The following STX8 variants were observed in gnomAD, a reference collection of about 807,000 sequenced individuals.
STX8 encodes the protein syntaxin 8.
In STX8, 23 loss-of-function variants were observed where a neutral mutation model predicts 37.5. The observed-to-expected ratio is 0.61, with a 90% CI of 0.44 to 0.87. The LOEUF is 0.87. Among genes scored for constraint, STX8 ranks in the 40% least tolerant of loss-of-function variants. The pLI, the probability that STX8 is intolerant of heterozygous loss-of-function variation, is 0.00. For synonymous variants in STX8, 115 were observed against 99.1 expected, an observed-to-expected ratio of 1.16 and a Z score of -0.95; for missense variants, 313 against 284.7, an observed-to-expected ratio of 1.10 and a Z score of -0.71.
chr17:9,443,655 C>G (rs1904740457), intron 6 of STX8, among the ~76,000 whole-genome samples: 1 of 152,182 alleles, frequency 6.6e-6, no homozygotes, highest in South Asian at 2.1e-4. Flanking sequence ...TTCCAACCCT[C>G]CTTTTCCAGA....
chr17:9,250,477 C>T lies in STX8; in HGVS notation c.*101G>A. On this transcript the variant is annotated 3_prime_UTR_variant, in exon 8 of 8. Coordinates refer to ENST00000306357, the MANE Select transcript of STX8 (RefSeq NM_004853.3). Reference sequence around the variant, plus strand: ...TGAAGCAATGCACAAGAGGTCAGAGCTTTGGGGGAATTTATTGAGAGCAGG... The same window carrying T: ...TGAAGCAATGCACAAGAGGTCAGAGTTTTGGGGGAATTTATTGAGAGCAGG... 2 of 1,146,668 alleles carry T rather than the reference C, an allele frequency of 1.7e-6. No homozygotes were observed. Among genetic ancestry groups the T allele is most frequent in the Non-Finnish European group, 2.6e-6 (2 of 781,940 alleles). The allele number at this position is 1,146,668 out of a possible 1,614,324, so 71.0% of individuals were successfully genotyped here. A position where few individuals can be genotyped will look rare whatever the true frequency, so the allele number is the denominator to read the frequency against.
At chr17:9,338,773 A>G (rs73973626) in intron 7 of STX8, among the ~76,000 whole-genome samples, 6,368 of 152,246 alleles carry the variant, frequency 0.042, 459 homozygotes, top group African/African-American at 0.14. Context: ...AGATGTTTGC[A>G]TTTTAAAAAA....
chr17:9,285,451 C>T (rs1272423534), intron 7 of STX8, among the ~76,000 whole-genome samples: 1 of 151,082 alleles, frequency 6.6e-6, no homozygotes, highest in Non-Finnish European at 1.5e-5. Context: ...TCTGGGACAT[C>T]TCCGTCTACC....
At chr17:9,458,293 G>A (rs1905242580) in intron 6 of STX8, among the ~76,000 whole-genome samples, 2 of 151,034 alleles carry the variant, frequency 1.3e-5, no homozygotes, top group South Asian at 4.1e-4. Context: ...GGGACTACAG[G>A]CGACCACTGC....
chr17:9,562,043 A>G (rs1435696812), intron 2 of STX8, among the ~76,000 whole-genome samples: 2 of 152,078 alleles, frequency 1.3e-5, no homozygotes, highest in Non-Finnish European at 2.9e-5. Flanking sequence ...ACCTGCAAAC[A>G]GCAAAAACTT....
chr17:9,498,295 C>T (rs1423793157), intron 5 of STX8, among the ~76,000 whole-genome samples: 2 of 151,550 alleles, frequency 1.3e-5, no homozygotes. Flanking sequence ...GAGGCTGAGG[C>T]TGGAGAATCA....
At chr17:9,251,871 G>C (rs796647668) in intron 7 of STX8, among the ~76,000 whole-genome samples, 42 of 152,328 alleles carry the variant, frequency 2.8e-4, no homozygotes, top group African/African-American at 9.9e-4. Flanking sequence ...ACTTAAAAAT[G>C]TATGGCAAGT....
At chr17:9,530,698 T>A (rs1238210051) in intron 4 of STX8, among the ~76,000 whole-genome samples, 1 of 152,266 alleles carries the variant, frequency 6.6e-6, no homozygotes, top group Admixed American at 6.5e-5. Flanking sequence ...ATTCTTCATA[T>A]ATCCAAGATA....
chr17:9,349,440 T>C (rs950450784), intron 7 of STX8, among the ~76,000 whole-genome samples: 7 of 150,084 alleles, frequency 4.7e-5, no homozygotes, highest in South Asian at 2.1e-4. Context: ...CCTGCCTCAG[T>C]CTCCTGAGTA....
intron 7 of STX8, among the ~76,000 whole-genome samples, chr17:9,272,182 T>A (rs1490066932): frequency 6.6e-6 from 1 of 152,228 alleles, no homozygotes; most frequent in African/African-American, 2.4e-5. Flanking sequence ...GGTGGCCAAA[T>A]GACCGCTCTT....
chr17:9,417,761 A>G (rs1913251071), intron 6 of STX8, among the ~76,000 whole-genome samples: 1 of 152,160 alleles, frequency 6.6e-6, no homozygotes, highest in African/African-American at 2.4e-5. Flanking sequence ...CAAATGGCCA[A>G]CGATGTAATC....
intron 7 of STX8, among the ~76,000 whole-genome samples, chr17:9,279,056 TTTTTG>T (rs137907101): frequency 0.021 from 2,224 of 105,352 alleles, 55 homozygotes; most frequent in African/African-American, 0.072. Context: ...GTGTGTGTGT[TTTTTG>T]TTTTTTGTTT....
intron 6 of STX8, among the ~76,000 whole-genome samples, chr17:9,411,943 G>C (rs1027227099): frequency 7.2e-5 from 11 of 152,160 alleles, no homozygotes; most frequent in Non-Finnish European, 1.5e-4. Flanking sequence ...ATCTAAAAAT[G>C]TTGGAAGTCA....
At chr17:9,568,721 C>T (rs1017320531) in intron 1 of STX8, among the ~76,000 whole-genome samples, 4 of 152,146 alleles carry the variant, frequency 2.6e-5, no homozygotes, top group Non-Finnish European at 5.9e-5. Flanking sequence ...AAGATGGTCT[C>T]GATCTCCTGA....
At chr17:9,547,900 C>A (rs998816581) in intron 3 of STX8, among the ~76,000 whole-genome samples, 17 of 150,568 alleles carry the variant, frequency 1.1e-4, no homozygotes, top group African/African-American at 4.2e-4. Flanking sequence ...TCAAGCAATT[C>A]TCCTCTCAGC....
intron 4 of STX8, among the ~76,000 whole-genome samples, chr17:9,535,639 A>C (rs1235927382): frequency 1.3e-5 from 2 of 151,732 alleles, no homozygotes; most frequent in Admixed American, 6.6e-5. Context: ...TCACCGTGTT[A>C]GCCAGGATGG....
chr17:9,502,634 AT>A (rs1904660468), intron 5 of STX8, among the ~76,000 whole-genome samples: 1 of 152,180 alleles, frequency 6.6e-6, no homozygotes, highest in South Asian at 2.1e-4. Context: ...ACTTGTAGGT[AT>A]TTACCCCAGA....
At chr17:9,389,876 G>A (rs187819474) in intron 6 of STX8, among the ~76,000 whole-genome samples, 40 of 152,236 alleles carry the variant, frequency 2.6e-4, no homozygotes, top group Non-Finnish European at 5.6e-4. Context: ...AACCAAAAAT[G>A]GGGGGTGGTG....
chr17:9,427,921 C>T (rs1036507270), intron 6 of STX8, among the ~76,000 whole-genome samples: 2 of 152,146 alleles, frequency 1.3e-5, no homozygotes, highest in Non-Finnish European at 2.9e-5. Flanking sequence ...ATTCCTGCTC[C>T]TCTGGCCAAA....
Sources: gnomAD v4.1 joint callset for allele counts (sites outside exome capture counted in the v4.1 genomes callset) on GRCh38, gnomAD v4.1.1 for gene constraint, MANE v1.5 for transcripts, NCBI Gene and HGNC (gene_info 2026-07-23, HGNC 2026-07-21) for gene names.